RIMS1: variants seen among roughly 807,000 people sequenced by gnomAD.
The protein encoded by RIMS1 is regulating synaptic membrane exocytosis 1, also known as regulating synaptic membrane exocytosis protein 1.
Under a neutral mutation model 214.1 loss-of-function variants are expected in RIMS1, and 83 were observed. The observed-to-expected ratio is 0.39, with a 90% CI of 0.32 to 0.47. The LOEUF (loss-of-function observed/expected upper bound fraction) is 0.47. RIMS1 is among the 20% of genes least tolerant of loss of function. RIMS1 has a pLI of 0.99. For missense variants in RIMS1, 2,050 were observed against 2,161.8 expected (o/e 0.95, Z 1.03); for synonymous variants, 793 against 786.8 (o/e 1.01, Z -0.13).
At chr6:72,153,888 C>T (rs893539396) in intron 4 of RIMS1, among the ~76,000 whole-genome samples, 1 of 152,130 alleles carries the variant, frequency 6.6e-6, no homozygotes, top group African/African-American at 2.4e-5. Flanking sequence ...ATTTTAAAAA[C>T]GTACAAAATA....
chr6:72,344,246 C>G (rs1230831494), intron 29 of RIMS1, among the ~76,000 whole-genome samples: 2 of 151,730 alleles, frequency 1.3e-5, no homozygotes, highest in African/African-American at 2.4e-5. Context: ...TTTTCTCCTT[C>G]TAACCAATAC....
rs78344273 is a variant in RIMS1, at chr6:72,020,543, C to T, written c.245+51480C>T. 2.0e-3 allele frequency among the ~76,000 whole-genome samples: 312 copies of T among 152,328 alleles called. 6 individuals carry two copies. The East Asian group carries it at 0.047, about 23-fold the overall frequency. ...TCACTGCCTCCTAGGGGTCTTCTCA[C>T]TCTCCTTCCTTCACTACATCTGTTG... On this transcript the variant is annotated intron_variant, in intron 2 of 33. Transcript: ENST00000521978.
At chr6:72,108,683 GTTTATTTTAT>G (rs368920307) in intron 4 of RIMS1, among the ~76,000 whole-genome samples, 2 of 151,584 alleles carry the variant, frequency 1.3e-5, no homozygotes, top group South Asian at 2.1e-4. Flanking sequence ...TAAAGTTTCA[GTTTATTTTAT>G]TTTATTTTAT....
Position 72,182,838 on chromosome 6 carries a change from C to A in RIMS1, c.1367C>A (p.Pro456Gln), listed in dbSNP as rs1316820446. The change falls in exon 6 of 34, where the codon CCG becomes CAG. Residue 456 changes from proline to glutamine, a missense_variant. Physicochemically the swap from Pro to Gln is moderately conservative, Grantham distance 76. Coordinates refer to ENST00000521978, the MANE Select transcript of RIMS1 (RefSeq NM_014989.7). The stretch of plus-strand genomic sequence containing the variant: ...AGCCCGCCGGCGCCCAGACATGGGC[C>A]GGTTCCCGCAGAAGCCCCGGAGCTC... ...NHSPPAPRHG[P>Q]VPAEAPELKA... is the part of the protein sequence containing the mutation. The A allele has an allele frequency of 6.4e-7, 1 of 1,552,618 alleles. No homozygotes were observed. The highest frequency in any genetic ancestry group is 1.4e-5 in the African/African-American group (1 of 73,376).
chr6:72,313,405 C>T, intron 27 of RIMS1, 101 bp from the exon 28 acceptor site: 2 of 941,504 alleles, frequency 2.1e-6, no homozygotes, highest in South Asian at 1.6e-5. Context: ...TATGAAGGTA[C>T]ACCTTTATTT....
At chr6:72,381,334 A>T (rs1453662093) in intron 29 of RIMS1, among the ~76,000 whole-genome samples, 1 of 152,148 alleles carries the variant, frequency 6.6e-6, no homozygotes, top group Non-Finnish European at 1.5e-5. Flanking sequence ...TTCTACAACT[A>T]CAGTCACATT....
intron 4 of RIMS1, among the ~76,000 whole-genome samples, chr6:72,123,657 T>A (rs942255335): frequency 2.2e-4 from 33 of 152,028 alleles, no homozygotes; most frequent in African/African-American, 7.9e-4. Flanking sequence ...TGGGTGCTCC[T>A]GTATTGGGTG....
rs529643262 is a variant in RIMS1, at chr6:72,350,185, T to A, written c.4366+16350T>A. Among the ~76,000 whole-genome samples the A allele has an allele frequency of 5.3e-5, 8 of 152,258 alleles. No homozygotes were observed. In the South Asian group the frequency reaches 1.5e-3, roughly 28 times the overall value. ...CAGAATTTTAAAAATCTAATTTTTG[T>A]ACACAGAAAAAAGGAAGGAAAAAAG... On this transcript the variant is annotated intron_variant, in intron 29 of 33. Transcript: ENST00000521978.
rs974214589 is a variant in RIMS1, at chr6:72,400,703, A to G, written c.5068A>G (p.Ile1690Val). 4 of 1,611,894 alleles carry G rather than the reference A, an allele frequency of 2.5e-6. No homozygotes were observed. The South Asian group carries it at 4.4e-5, about 18-fold the overall frequency. Residue 1690 changes from isoleucine (I) to valine (V), a missense_variant, in exon 34 of 34, where the codon ATT (isoleucine) becomes GTT (valine). Physicochemically the swap from Ile to Val is conservative, Grantham distance 29 (BLOSUM62 3). This residue lies in a region of RIMS1 where 33 missense variants were observed against 40.9 expected (regional missense o/e 0.81). Coordinates refer to ENST00000521978, the MANE Select transcript of RIMS1 (RefSeq NM_014989.7). ...GGAAAGTTCAACTGGGCCTCCCTGT[A>G]TTCGATCATAGTGAACTCATACCAG... The part of the protein sequence containing the change: ...SLESSTGPPC[I>V]RS
chr6:72,047,273 C>G (rs1480163577), intron 2 of RIMS1, among the ~76,000 whole-genome samples: 1 of 152,136 alleles, frequency 6.6e-6, no homozygotes, highest in Non-Finnish European at 1.5e-5. Flanking sequence ...AGCTTTATTT[C>G]TGAGAAGCAC....
At chr6:72,226,090 C>T (rs73750445) in intron 6 of RIMS1, among the ~76,000 whole-genome samples, 201 of 152,164 alleles carry the variant, frequency 1.3e-3, no homozygotes, top group African/African-American at 4.6e-3. Flanking sequence ...ACCATGACCA[C>T]ATTCTTATTT....
chr6:71,999,879 C>T (rs1007957336), intron 2 of RIMS1, among the ~76,000 whole-genome samples: 2 of 152,012 alleles, frequency 1.3e-5, no homozygotes, highest in African/African-American at 4.8e-5. Flanking sequence ...TTCATAATTT[C>T]TTCCAGTTCC....
At chr6:72,118,240 A>G (rs2037477064) in intron 4 of RIMS1, among the ~76,000 whole-genome samples, 1 of 151,566 alleles carries the variant, frequency 6.6e-6, no homozygotes, top group Admixed American at 6.6e-5. Context: ...ATAGAAACCC[A>G]GAACAGATCA....
intron 19 of RIMS1, chr6:72,264,037 A>G (rs1280943770): frequency 1.3e-6 from 1 of 795,790 alleles, no homozygotes; most frequent in Non-Finnish European, 1.5e-6. Flanking sequence ...TCATTTTTTA[A>G]TTGAAGTTTT....
chr6:72,123,296 T>C (rs1193739663), intron 4 of RIMS1, among the ~76,000 whole-genome samples: 1 of 151,930 alleles, frequency 6.6e-6, no homozygotes, highest in African/African-American at 2.4e-5. Context: ...GTGAGTTTCT[T>C]AATCCTGAGT....
At chr6:71,928,697 A>C (rs1782227903) in intron 1 of RIMS1, among the ~76,000 whole-genome samples, 1 of 152,100 alleles carries the variant, frequency 6.6e-6, no homozygotes, top group African/African-American at 2.4e-5. Flanking sequence ...AGAGCACTGC[A>C]TACAGCTGTG....
chr6:72,059,807 G>A (rs1237897589), intron 2 of RIMS1, among the ~76,000 whole-genome samples: 1 of 152,114 alleles, frequency 6.6e-6, no homozygotes, highest in East Asian at 1.9e-4. Context: ...TTAAATTTAT[G>A]AATTAGAAAA....
At chr6:72,012,228 G>A (rs1810944207) in intron 2 of RIMS1, among the ~76,000 whole-genome samples, 1 of 151,988 alleles carries the variant, frequency 6.6e-6, no homozygotes, top group African/African-American at 2.4e-5. Context: ...ACTATCACAA[G>A]GACAAAAAAC....
rs540808324 is a variant in RIMS1 at position 72,333,828 on chromosome 6, T to A, written c.4359T>A (p.Ser1453Arg). 7.0e-6 allele frequency: 11 copies of A among 1,576,106 alleles called. No individual in the cohort carries two copies. The highest frequency in any genetic ancestry group is 9.5e-6 in the Non-Finnish European group (11 of 1,160,144). The change falls in exon 29 of 34, where the codon AGT (serine) becomes AGA (arginine). Residue 1453 changes from serine to arginine, a missense_variant. Physicochemically the swap from Ser to Arg is moderately radical, Grantham distance 110. Coordinates refer to ENST00000521978, the MANE Select transcript of RIMS1 (RefSeq NM_014989.7). ...GGAGTAGAAGCACATCCCAGCTTAG[T>A]CAAACAGGTGAGTGATGTGAATTCA... Reference protein sequence around the residue: ...SRRSRSTSQLSQTESGHKKLK... With the variant: ...SRRSRSTSQLRQTESGHKKLK...
Sources: allele counts gnomAD v4.1 joint callset (sites outside exome capture counted in the v4.1 genomes callset), GRCh38; gene constraint gnomAD v4.1.1; regional missense constraint gnomAD v4.1.1; transcripts MANE v1.5; gene names NCBI Gene and HGNC (gene_info 2026-07-23, HGNC 2026-07-21).